The following CUEDC1 variants were observed in gnomAD, a reference collection of about 807,000 sequenced individuals.
The protein encoded by CUEDC1 is CUE domain containing 1, also known as CUE domain-containing protein 1.
In CUEDC1, 30 loss-of-function variants were observed where a neutral mutation model predicts 43.7. The observed-to-expected ratio is 0.69, with a 90% confidence interval of 0.51 to 0.93. The LOEUF (loss-of-function observed/expected upper bound fraction) is 0.93, where lower values mean the gene tolerates loss of function less well. Ranked by LOEUF, CUEDC1 falls within the 40% of genes least tolerant of loss-of-function variation. CUEDC1 has a pLI of 0.00. For missense variants in CUEDC1, 486 were observed against 549.0 expected (o/e 0.89, Z 1.15); for synonymous variants, 223 against 223.6 (o/e 1.00, Z 0.02).
intron 3 of CUEDC1, 137 bp from the exon 4 acceptor site, chr17:57,873,854 G>A: frequency 4.6e-6 from 4 of 864,688 alleles, no homozygotes; most frequent in Non-Finnish European, 6.6e-6. Flanking sequence ...CCAGAACAAA[G>A]GCCCGTCACT....
chr17:57,948,188 G>A (rs1466605349), intron 1 of CUEDC1, among the ~76,000 whole-genome samples: 1 of 152,158 alleles, frequency 6.6e-6, no homozygotes, highest in South Asian at 2.1e-4. Flanking sequence ...ACTCTTCTAG[G>A]TGCATCTAGG....
At chr17:57,916,698 C>G (rs1167016023) in intron 1 of CUEDC1, among the ~76,000 whole-genome samples, 1 of 152,130 alleles carries the variant, frequency 6.6e-6, no homozygotes, top group Middle Eastern at 3.2e-3. Flanking sequence ...CCTCGCCCAC[C>G]CCCAGGCTCA....
chr17:57,873,016 C>A (rs563662318), intron 4 of CUEDC1, among the ~76,000 whole-genome samples, 161 bp from the exon 5 acceptor site: 2 of 152,236 alleles, frequency 1.3e-5, no homozygotes, highest in Non-Finnish European at 1.5e-5. Flanking sequence ...CAAAATCCAA[C>A]GGACAGGTCA....
intron 2 of CUEDC1, 132 bp from the exon 3 acceptor site, chr17:57,879,870 C>A (rs2074180442): frequency 1.1e-6 from 1 of 914,024 alleles, no homozygotes. Context: ...GAGTGTAAAT[C>A]GATACAATCA....
rs969664141 is a variant in CUEDC1, at chr17:57,954,785, G to A, written c.-316+440C>T. On this transcript the variant is annotated intron_variant, in intron 1 of 10. Coordinates refer to ENST00000577830, the MANE Select transcript of CUEDC1 (RefSeq NM_001271875.2). The surrounding 1 kb of genome is among the most constrained non-coding windows in gnomAD (Gnocchi z 4.3). ...CGCCTGCCGTCGCCGCCCAGCCTGC[G>A]CCCCCAGGCCCGGGCACTGCGGGGA... Among the ~76,000 whole-genome samples the A allele has an allele frequency of 1.2e-4, 18 of 152,046 alleles. No homozygotes were observed. Among genetic ancestry groups the A allele is most frequent in the Non-Finnish European group, 2.2e-4 (15 of 67,962 alleles).
rs1187142747 is a variant in CUEDC1, at chr17:57,944,197, T to TA, written c.-316+11027_-316+11028insT. ...AATGTTAGTTATTATTATTTATTTT[T>TA]TTATATATATATATTTTTTTTTTTT... On this transcript the variant is annotated intron_variant, in intron 1 of 10. Transcript: ENST00000577830. 1.5e-3 allele frequency among the ~76,000 whole-genome samples: 214 copies of TA among 143,742 alleles called. 3 individuals are homozygous for TA. Among genetic ancestry groups the TA allele is most frequent in the African/African-American group, 5.3e-3 (205 of 39,004 alleles). 94.3% of individuals were successfully genotyped at this position (143,742 alleles called of 152,430 possible).
chr17:57,906,940 C>T (rs542714105), intron 1 of CUEDC1, among the ~76,000 whole-genome samples: 38 of 148,068 alleles, frequency 2.6e-4, no homozygotes, highest in African/African-American at 8.6e-4. Flanking sequence ...CATTGCACTC[C>T]AGCCTGGGCA....
chr17:57,913,364 T>C (rs974964379), intron 1 of CUEDC1, among the ~76,000 whole-genome samples: 2 of 151,292 alleles, frequency 1.3e-5, no homozygotes, highest in Admixed American at 6.6e-5. Context: ...GGTCTCACTA[T>C]GTTGCCCAGA....
At chr17:57,866,630 C>T (rs1048254386) in intron 9 of CUEDC1, 86 bp from the exon 10 acceptor site, 22 of 1,315,696 alleles carry the variant, frequency 1.7e-5, no homozygotes, top group Non-Finnish European at 3.3e-6. Context: ...GAGAGCTGAC[C>T]CGACTCTCTC....
At chr17:57,889,309 G>T (rs1046350824) in intron 1 of CUEDC1, among the ~76,000 whole-genome samples, 12 of 152,188 alleles carry the variant, frequency 7.9e-5, no homozygotes, top group African/African-American at 2.9e-4. Flanking sequence ...GCCCTCACAG[G>T]GGGGATGGGG....
intron 1 of CUEDC1, among the ~76,000 whole-genome samples, chr17:57,932,281 CAAAAAAAA>C (rs56137797): frequency 4.1e-5 from 5 of 121,946 alleles, no homozygotes; most frequent in African/African-American, 2.2e-4. Flanking sequence ...CACTGTGTCT[CAAAAAAAA>C]AAAAAAAAAA....
At chr17:57,908,443 A>G (rs1285568091) in intron 1 of CUEDC1, among the ~76,000 whole-genome samples, 1 of 152,178 alleles carries the variant, frequency 6.6e-6, no homozygotes, top group African/African-American at 2.4e-5. Context: ...TGATGCCAAG[A>G]CAGGCTTCCC....
intron 1 of CUEDC1, among the ~76,000 whole-genome samples, chr17:57,921,396 TCA>T (rs1472899685): frequency 6.6e-6 from 1 of 152,154 alleles, no homozygotes; most frequent in Non-Finnish European, 1.5e-5. Context: ...ACATTCACCC[TCA>T]CTCATTCCAT....
chr17:57,911,570 T>G (rs150563304), intron 1 of CUEDC1, among the ~76,000 whole-genome samples: 8 of 152,324 alleles, frequency 5.3e-5, no homozygotes, highest in African/African-American at 1.9e-4. Flanking sequence ...TGGTGCAATC[T>G]CAGCTCACTG....
At chr17:57,897,562 C>T (rs886356377) in intron 1 of CUEDC1, among the ~76,000 whole-genome samples, 1 of 149,646 alleles carries the variant, frequency 6.7e-6, no homozygotes, top group Non-Finnish European at 1.5e-5. Context: ...CCCAGCTACT[C>T]GTGAGGCTGA....
chr17:57,924,916 G>A lies in CUEDC1; in HGVS notation c.-316+30309C>T, dbSNP rs115558133. ...ATAAAGTTCTGAGGCTTAAAATAAA[G>A]ATGAGTTTGGAGGGGAGGGGGTGTC... On this transcript the variant is annotated intron_variant, in intron 1 of 10. Coordinates refer to ENST00000577830, the MANE Select transcript of CUEDC1 (RefSeq NM_001271875.2). Among the ~76,000 whole-genome samples, 1,264 of 152,214 alleles carry A rather than the reference G, an allele frequency of 8.3e-3. 14 individuals carry two copies. Among genetic ancestry groups the A allele is most frequent in the African/African-American group, 0.028 (1,174 of 41,540 alleles).
intron 2 of CUEDC1, among the ~76,000 whole-genome samples, chr17:57,881,035 T>C (rs1305467371): frequency 6.6e-6 from 1 of 152,234 alleles, no homozygotes; most frequent in East Asian, 1.9e-4. Flanking sequence ...GAAGTCACCA[T>C]AATAATGCTG....
chr17:57,868,288 C>T (rs377095599), intron 7 of CUEDC1, 45 bp from the exon 8 acceptor site: 2 of 1,541,732 alleles, frequency 1.3e-6, no homozygotes, highest in Admixed American at 1.7e-5. Flanking sequence ...GCAGCCAGCA[C>T]ACCAGATGGC....
In CUEDC1 at chr17:57,932,281, CAA is replaced by C. The variant is rs56137797; in HGVS notation, c.-316+22942_-316+22943del. On this transcript the variant is annotated intron_variant, in intron 1 of 10. Transcript: ENST00000577830. ...TGGGCAACAAAGTGACACTGTGTCT[CAA>C]AAAAAAAAAAAAAAAAAAAAGGCCA... Among the ~76,000 whole-genome samples the C allele has an allele frequency of 6.0e-3, 735 of 121,736 alleles. 8 individuals are homozygous for C. The highest frequency in any genetic ancestry group is 0.031 in the African/African-American group (697 of 22,298). The allele number at this position is 121,736 out of a possible 152,430, so 79.9% of individuals were successfully genotyped here.
Sources: allele counts gnomAD v4.1 joint callset (sites outside exome capture counted in the v4.1 genomes callset), GRCh38; gene constraint gnomAD v4.1.1; non-coding constraint Gnocchi (gnomAD v3.1); transcripts MANE v1.5; gene names NCBI Gene and HGNC (gene_info 2026-07-23, HGNC 2026-07-21).